Variants in ANKRD45 observed in about 807,000 individuals in gnomAD.
ANKRD45 encodes ankyrin repeat domain 45, also known as ankyrin repeat domain-containing protein 45.
In ANKRD45, 21 loss-of-function variants were observed where a neutral mutation model predicts 28.1. That is an observed-to-expected ratio of 0.75 (90% confidence interval 0.53 to 1.08). The LOEUF is 1.08. Ranked by LOEUF, ANKRD45 falls within the 50% of genes least tolerant of loss-of-function variation. The pLI is 0.00. For missense variants in ANKRD45, 261 were observed against 308.7 expected, an observed-to-expected ratio of 0.85 and a Z score of 1.16; for synonymous variants, 86 against 103.9, an observed-to-expected ratio of 0.83 and a Z score of 1.05.
the ANKRD45 span, among the ~76,000 whole-genome samples, chr1:173,703,081 G>A: frequency 6.6e-6 from 1 of 152,058 alleles, no homozygotes; most frequent in African/African-American, 2.4e-5. Context: ...TGTTGTCCAG[G>A]CTAGAGTACA....
the ANKRD45 span, among the ~76,000 whole-genome samples, chr1:173,696,664 G>A: frequency 4.6e-5 from 7 of 152,082 alleles, no homozygotes; most frequent in Non-Finnish European, 7.4e-5. Flanking sequence ...ATGCTGTTTC[G>A]GTTACTGTAG....
At chr1:173,686,065 G>C in the ANKRD45 span, among the ~76,000 whole-genome samples, 4 of 152,046 alleles carry the variant, frequency 2.6e-5, no homozygotes, top group Non-Finnish European at 4.4e-5. Context: ...TTGACACTGG[G>C]GTCTTTATTG....
intron 1 of ANKRD45, among the ~76,000 whole-genome samples, chr1:173,666,627 C>T (rs1670030792): frequency 1.3e-5 from 2 of 152,150 alleles, no homozygotes; most frequent in South Asian, 4.1e-4. Flanking sequence ...ACGTTTAGTA[C>T]AAACACAACC....
rs755466818 is a variant in ANKRD45 at position 173,624,820 on chromosome 1, CAAT to C, written c.694_696del (p.Ile232del). The C allele has an allele frequency of 6.2e-7, 1 of 1,613,736 alleles. No homozygotes were observed. Among genetic ancestry groups the C allele is most frequent in the East Asian group, 2.2e-5 (1 of 44,850 alleles). ...GTCATTTTTGTGAAGATAGGAGTCACAATATCTTCCAGTTGTTGTCTCTGCTCA... is the reference window on the plus strand; with the variant it reads ...GTCATTTTTGTGAAGATAGGAGTCACATCTTCCAGTTGTTGTCTCTGCTCA... On this transcript the variant is annotated inframe_deletion, in exon 5 of 6. Coordinates refer to ENST00000333279, the MANE Select transcript of ANKRD45 (RefSeq NM_198493.3).
chr1:173,681,867 T>C, the ANKRD45 span, among the ~76,000 whole-genome samples: 1 of 151,846 alleles, frequency 6.6e-6, no homozygotes, highest in African/African-American at 2.4e-5. Context: ...CTGGCCAACA[T>C]GGTGAAACCC....
At position 173,623,227 on chromosome 1, in the gene ANKRD45, C is replaced by T. The variant is rs185189709; in HGVS notation, c.730+1560G>A. Among the ~76,000 whole-genome samples the T allele has an allele frequency of 2.6e-4, 40 of 151,630 alleles. No homozygotes were observed. In the East Asian group the frequency reaches 6.6e-3, roughly 25 times the overall value. ...ACTCAGGAGGCTGAGGCAAGAGAATCGCTTGAACCCAGGAGGTGGGGGTTA... is the reference window on the plus strand; with the variant it reads ...ACTCAGGAGGCTGAGGCAAGAGAATTGCTTGAACCCAGGAGGTGGGGGTTA... On this transcript the variant is annotated intron_variant, in intron 5 of 5. Coordinates refer to ENST00000333279, the MANE Select transcript of ANKRD45 (RefSeq NM_198493.3).
chr1:173,614,456 A>T (rs1228303206), intron 5 of ANKRD45, among the ~76,000 whole-genome samples: 1 of 152,226 alleles, frequency 6.6e-6, no homozygotes, highest in Non-Finnish European at 1.5e-5. Context: ...TTAAATTTCA[A>T]TTTCCAAATA....
intron 5 of ANKRD45, among the ~76,000 whole-genome samples, chr1:173,622,064 C>T (rs1360565563): frequency 1.3e-5 from 2 of 151,944 alleles, no homozygotes; most frequent in Non-Finnish European, 2.9e-5. Context: ...ACAATTGCTA[C>T]AAAAAGAATA....
upstream of ANKRD45, among the ~76,000 whole-genome samples, chr1:173,670,507 C>T (rs762979707): frequency 2.6e-5 from 4 of 152,178 alleles, no homozygotes; most frequent in Non-Finnish European, 5.9e-5. Context: ...TTTACTGTTT[C>T]TACCAAGAGT....
rs562387542 is a variant in ANKRD45 at position 173,622,176 on chromosome 1, A to G, written c.730+2611T>C. Among the ~76,000 whole-genome samples the G allele has an allele frequency of 1.5e-4, 23 of 152,314 alleles. No homozygotes were observed. In the South Asian group the frequency reaches 4.8e-3, roughly 32 times the overall value. ...TCAGAAAGGACACAAACAAATGGAA[A>G]AACATTCCATGCTCATGGACAGGAA... On this transcript the variant is annotated intron_variant, in intron 5 of 5. Coordinates refer to ENST00000333279, the MANE Select transcript of ANKRD45 (RefSeq NM_198493.3).
chr1:173,688,338 TTCTC>T, the ANKRD45 span, among the ~76,000 whole-genome samples: 10 of 103,318 alleles, frequency 9.7e-5, no homozygotes, highest in African/African-American at 1.5e-4. Context: ...GACTCCCTCT[TTCTC>T]TCTCTGACTC....
chr1:173,625,805 AG>A (rs1176118844), intron 4 of ANKRD45, among the ~76,000 whole-genome samples: 1 of 152,132 alleles, frequency 6.6e-6, no homozygotes, highest in African/African-American at 2.4e-5. Flanking sequence ...TATAAGTGAA[AG>A]GGAAAACATA....
At chr1:173,646,257 A>C (rs939037720) in intron 3 of ANKRD45, among the ~76,000 whole-genome samples, 1 of 152,216 alleles carries the variant, frequency 6.6e-6, no homozygotes, top group Non-Finnish European at 1.5e-5. Flanking sequence ...CAAACAGAAA[A>C]GTACAAAAAC....
upstream of ANKRD45, among the ~76,000 whole-genome samples, chr1:173,671,887 A>G (rs1465339204): frequency 6.6e-6 from 1 of 151,840 alleles, no homozygotes; most frequent in African/African-American, 2.4e-5. Flanking sequence ...GTCTCAAAAA[A>G]AAAAAAAAAA....
At chr1:173,690,076 C>T in the ANKRD45 span, among the ~76,000 whole-genome samples, 3 of 119,588 alleles carry the variant, frequency 2.5e-5, no homozygotes, top group African/African-American at 6.1e-5. Context: ...CCCCCCCCCC[C>T]GACCTCCCTT....
chr1:173,642,903 T>G (rs1478811415), intron 3 of ANKRD45, among the ~76,000 whole-genome samples: 1 of 152,178 alleles, frequency 6.6e-6, no homozygotes, highest in Non-Finnish European at 1.5e-5. Context: ...ACCCTGTCTC[T>G]TTTCTTCGTG....
At chr1:173,618,060 A>G (rs867028565) in intron 5 of ANKRD45, among the ~76,000 whole-genome samples, 1 of 152,316 alleles carries the variant, frequency 6.6e-6, no homozygotes, top group South Asian at 2.1e-4. Context: ...AAGTGGCCTG[A>G]CTTTTAAAAG....
chr1:173,692,903 C>A, the ANKRD45 span, among the ~76,000 whole-genome samples: 1 of 152,222 alleles, frequency 6.6e-6, no homozygotes, highest in East Asian at 1.9e-4. Context: ...AAACCACGTT[C>A]ACCCTAATCC....
At chr1:173,701,372 A>G in the ANKRD45 span, among the ~76,000 whole-genome samples, 1 of 152,254 alleles carries the variant, frequency 6.6e-6, no homozygotes, top group Non-Finnish European at 1.5e-5. Flanking sequence ...ATGTATACGT[A>G]TGTTTACTGC....
Sources: allele counts gnomAD v4.1 joint callset (sites outside exome capture counted in the v4.1 genomes callset), GRCh38; gene constraint gnomAD v4.1.1; transcripts MANE v1.5; gene names NCBI Gene and HGNC (gene_info 2026-07-23, HGNC 2026-07-21).